The following METTL21A variants were observed in gnomAD, a reference collection of about 807,000 sequenced individuals.
The protein encoded by METTL21A is protein N-lysine methyltransferase METTL21A.
A neutral mutation model predicts 20.9 loss-of-function variants in METTL21A; 22 were observed. That is an observed-to-expected ratio of 1.05 (90% CI 0.75 to 1.50). METTL21A has a LOEUF of 1.50. Ranked by LOEUF, METTL21A falls within the 40% of genes most tolerant of loss-of-function variation. METTL21A has a pLI of 0.00. For synonymous variants in METTL21A, 93 were observed against 102.0 expected, an observed-to-expected ratio of 0.91 and a Z score of 0.53; for missense variants, 271 against 266.8, an observed-to-expected ratio of 1.02 and a Z score of -0.11.
chr2:207,618,707 C>CAAA (rs1366363517), intron 3 of METTL21A, among the ~76,000 whole-genome samples: 1 of 149,694 alleles, frequency 6.7e-6, no homozygotes, highest in Non-Finnish European at 1.5e-5. Context: ...GACTCCATCT[C>CAAA]AAAAACAACA....
At chr2:207,624,120 T>C (rs1244586223) in intron 2 of METTL21A, 109 bp downstream of exon 2, 2 of 1,301,608 alleles carry the variant, frequency 1.5e-6, no homozygotes, top group Non-Finnish European at 1.1e-6. Flanking sequence ...ATAGGTAAAG[T>C]GTATGCTATG....
intron 3 of METTL21A, chr2:207,582,957 A>T (rs1208001770): frequency 6.2e-6 from 1 of 161,708 alleles, no homozygotes; most frequent in Non-Finnish European, 1.4e-5. Context: ...ACACCTTCAT[A>T]TATGCACACA....
chr2:207,581,348 A>C (rs1332030617), downstream of METTL21A: 1 of 199,242 alleles, frequency 5.0e-6, no homozygotes, highest in Non-Finnish European at 1.0e-5. Context: ...ATATACAACT[A>C]GCCATTAAGA....
At chr2:207,584,906 A>C (rs759775615) in intron 3 of METTL21A, among the ~76,000 whole-genome samples, 1 of 152,146 alleles carries the variant, frequency 6.6e-6, no homozygotes, top group Non-Finnish European at 1.5e-5. Context: ...GCAGAGCAAA[A>C]GGTTGCCATT....
At chr2:207,581,816 TCG>T in exon 4 of METTL21A, 1 of 700,810 alleles carries the variant, frequency 1.4e-6, no homozygotes, top group South Asian at 1.5e-5. Flanking sequence ...GGGTACCATA[TCG>T]CATTTAATTA....
At chr2:207,581,733 T>A (rs2082981997) in exon 4 of METTL21A, 1 of 615,926 alleles carries the variant, frequency 1.6e-6, no homozygotes, top group Non-Finnish European at 2.9e-6. Context: ...AAAATAAAAG[T>A]ACATTGGTAT....
chr2:207,583,664 A>G (rs1241860433), intron 3 of METTL21A, among the ~76,000 whole-genome samples: 1 of 152,260 alleles, frequency 6.6e-6, no homozygotes, highest in African/African-American at 2.4e-5. Context: ...GACATCCCTA[A>G]GTTTTTATCC....
chr2:207,620,939 A>G (rs2107268366), intron 3 of METTL21A: 2 of 360,230 alleles, frequency 5.6e-6, no homozygotes, highest in East Asian at 8.7e-5. Context: ...ACCCAAGTGT[A>G]GTCTGAGAAC....
At chr2:207,585,197 C>T (rs892497514) in intron 3 of METTL21A, among the ~76,000 whole-genome samples, 2 of 152,200 alleles carry the variant, frequency 1.3e-5, no homozygotes, top group Non-Finnish European at 2.9e-5. Context: ...ACCGTAAAGG[C>T]CTTTGTGTCC....
At chr2:207,605,169 G>A (rs940612818), downstream of METTL21A, among the ~76,000 whole-genome samples, 1 of 152,086 alleles carries the variant, frequency 6.6e-6, no homozygotes, top group African/African-American at 2.4e-5. Flanking sequence ...CAGCTGTACC[G>A]TTTTACCTTC....
intron 3 of METTL21A, among the ~76,000 whole-genome samples, chr2:207,617,874 G>C (rs2089986995): frequency 6.6e-6 from 1 of 152,188 alleles, no homozygotes; most frequent in Non-Finnish European, 1.5e-5. Context: ...CAAGGGGTAG[G>C]GGAGGTAGAC....
intron 3 of METTL21A, among the ~76,000 whole-genome samples, chr2:207,589,232 C>T (rs2106636525): frequency 6.6e-6 from 1 of 152,316 alleles, no homozygotes; most frequent in East Asian, 1.9e-4. Context: ...GACTGCATTC[C>T]TTCCTGGAGG....
intron 3 of METTL21A, among the ~76,000 whole-genome samples, chr2:207,589,313 C>G (rs2084513547): frequency 6.6e-6 from 1 of 152,084 alleles, no homozygotes; most frequent in Admixed American, 6.6e-5. Context: ...GCCTCATGGC[C>G]CCCTTTCTCC....
downstream of METTL21A, among the ~76,000 whole-genome samples, chr2:207,604,661 A>G (rs1319901157): frequency 6.6e-6 from 1 of 152,112 alleles, no homozygotes; most frequent in East Asian, 1.9e-4. Flanking sequence ...TACATCCACA[A>G]TGGTGTACAA....
intron 3 of METTL21A, among the ~76,000 whole-genome samples, chr2:207,596,310 GT>G (rs1192126034): frequency 6.6e-6 from 1 of 152,134 alleles, no homozygotes; most frequent in Admixed American, 6.5e-5. Flanking sequence ...TAGCTTTAAT[GT>G]TTTCTTAGTT....
At chr2:207,604,011 A>G (rs1349632656) in intron 3 of METTL21A, among the ~76,000 whole-genome samples, 3 of 152,182 alleles carry the variant, frequency 2.0e-5, no homozygotes, top group African/African-American at 7.2e-5. Flanking sequence ...AATTTCATTT[A>G]TTTTCTGCAA....
At chr2:207,593,032 TTTG>T (rs1256966119) in intron 3 of METTL21A, among the ~76,000 whole-genome samples, 1 of 152,244 alleles carries the variant, frequency 6.6e-6, no homozygotes, top group East Asian at 1.9e-4. Flanking sequence ...CACACAGCTT[TTTG>T]TTGTTCTGTC....
chr2:207,606,728 T>A (rs1020878974), downstream of METTL21A, among the ~76,000 whole-genome samples: 1 of 152,214 alleles, frequency 6.6e-6, no homozygotes, highest in Non-Finnish European at 1.5e-5. Context: ...TTTTACCAAC[T>A]ATTAAGTGAA....
At chr2:207,588,180 T>C (rs2084243220) in intron 3 of METTL21A, among the ~76,000 whole-genome samples, 1 of 152,254 alleles carries the variant, frequency 6.6e-6, no homozygotes, top group South Asian at 2.1e-4. Flanking sequence ...TAGAGTTTTA[T>C]ATTTAGATCT....
Sources: allele counts gnomAD v4.1 joint callset (sites outside exome capture counted in the v4.1 genomes callset), GRCh38; gene constraint gnomAD v4.1.1; transcripts MANE v1.5; gene names NCBI Gene and HGNC (gene_info 2026-07-23, HGNC 2026-07-21).